The following ZC3H12B variants were observed in gnomAD, a reference collection of about 807,000 sequenced individuals.
ZC3H12B encodes the protein zinc finger CCCH-type containing 12B, also known as probable ribonuclease ZC3H12B.
Under a neutral mutation model 43.9 loss-of-function variants are expected in ZC3H12B, and 7 were observed. That is an observed-to-expected ratio of 0.16 (90% CI 0.09 to 0.30). The LOEUF (loss-of-function observed/expected upper bound fraction) is 0.30. ZC3H12B is among the 10% of genes least tolerant of loss of function. The pLI is 1.00. For synonymous variants in ZC3H12B, 222 were observed against 241.7 expected, an observed-to-expected ratio of 0.92 and a Z score of 0.76; for missense variants, 475 against 670.2, an observed-to-expected ratio of 0.71 and a Z score of 3.22.
Position 65,408,393 on chromosome X carries a change from T to A in ZC3H12B, n.407+9689T>A, listed in dbSNP as rs2066862221. On this transcript the variant is annotated intron_variant and non_coding_transcript_variant, in intron 3 of 5. Coordinates refer to the ZC3H12B transcript ENST00000617377. Reference sequence around the variant, plus strand: ...CTGTCTCAGGAACATCAACAACAGGTGGCCCAGGCTGTCGAACGTGCCAAA... The same window carrying A: ...CTGTCTCAGGAACATCAACAACAGGAGGCCCAGGCTGTCGAACGTGCCAAA... 3 of 1,202,487 alleles carry A rather than the reference T, an allele frequency of 2.5e-6. No individual in the cohort carries two copies. The Admixed American group carries it at 6.5e-5, about 26-fold the overall frequency.
At chrX:65,153,908 T>G in the ZC3H12B span, among the ~76,000 whole-genome samples, 1 of 110,885 alleles carries the variant, frequency 9.0e-6, no homozygotes, top group African/African-American at 3.3e-5. Context: ...CCATAAAAAA[T>G]GATGAGTTCA....
At chrX:65,117,571 T>A in the ZC3H12B span, among the ~76,000 whole-genome samples, 29 of 112,000 alleles carry the variant, frequency 2.6e-4, no homozygotes, top group Non-Finnish European at 5.6e-5. Context: ...TTTAATTAGA[T>A]CCCATGTGTC....
At chrX:65,283,728 G>A in the ZC3H12B span, among the ~76,000 whole-genome samples, 1 of 111,302 alleles carries the variant, frequency 9.0e-6, no homozygotes, top group Non-Finnish European at 1.9e-5. Context: ...AAAGAAAGGT[G>A]TCATTTTCAA....
At chrX:65,455,321 G>A (rs911627229) in intron 3 of ZC3H12B, among the ~76,000 whole-genome samples, 4 of 112,384 alleles carry the variant, frequency 3.6e-5, no homozygotes, top group South Asian at 3.6e-4. Flanking sequence ...CAAGAACTAC[G>A]TGACAAATGC....
chrX:65,134,704 G>A, the ZC3H12B span, among the ~76,000 whole-genome samples: 3 of 111,377 alleles, frequency 2.7e-5, no homozygotes, highest in Admixed American at 9.5e-5. Flanking sequence ...CCGAGTCTTC[G>A]GCACCAAATG....
At chrX:65,423,267 G>T (rs1310610443) in intron 3 of ZC3H12B, among the ~76,000 whole-genome samples, 1 of 111,806 alleles carries the variant, frequency 8.9e-6, no homozygotes, top group Non-Finnish European at 1.9e-5. Context: ...TCACTGATGG[G>T]CATTTGGGTT....
chrX:65,092,357 C>T, the ZC3H12B span, among the ~76,000 whole-genome samples: 1 of 111,372 alleles, frequency 9.0e-6, no homozygotes, highest in African/African-American at 3.3e-5. Context: ...AATGTGGAAG[C>T]AATTTTGGAA....
chrX:65,201,876 T>C, the ZC3H12B span, among the ~76,000 whole-genome samples: 1 of 105,935 alleles, frequency 9.4e-6, no homozygotes, highest in Non-Finnish European at 1.9e-5. Context: ...TCTCAGGAGA[T>C]CTGATGCTTT....
chrX:65,226,759 A>C, the ZC3H12B span, among the ~76,000 whole-genome samples: 14 of 111,382 alleles, frequency 1.3e-4, no homozygotes, highest in African/African-American at 4.3e-4. Context: ...AGACTTTAAA[A>C]CAACAAAGAT....
chrX:65,038,235 A>G, the ZC3H12B span, among the ~76,000 whole-genome samples: 2 of 111,639 alleles, frequency 1.8e-5, no homozygotes, highest in Non-Finnish European at 3.8e-5. Context: ...TTGAGGCTTT[A>G]TACACCTTCT....
the ZC3H12B span, among the ~76,000 whole-genome samples, chrX:65,067,474 A>G: frequency 1.8e-5 from 2 of 109,689 alleles, no homozygotes; most frequent in Admixed American, 1.9e-4. Context: ...GGCTGCACCC[A>G]CTGTCTAACC....
At chrX:65,400,268 T>C (rs987420341) in intron 3 of ZC3H12B, among the ~76,000 whole-genome samples, 2 of 111,711 alleles carry the variant, frequency 1.8e-5, no homozygotes, top group East Asian at 5.6e-4. Flanking sequence ...TATATGCCCA[T>C]AGAGCTGGCT....
chrX:65,471,403 A>G (rs1489436554), intron 3 of ZC3H12B, among the ~76,000 whole-genome samples: 1 of 106,395 alleles, frequency 9.4e-6, no homozygotes, highest in African/African-American at 3.4e-5. Context: ...GAATCTTTAC[A>G]TGTTAGGTGA....
the ZC3H12B span, among the ~76,000 whole-genome samples, chrX:65,106,613 G>T: frequency 9.0e-6 from 1 of 110,738 alleles, no homozygotes; most frequent in African/African-American, 3.3e-5. Context: ...ATTTCGTATT[G>T]GTTCTTGATT....
intron 2 of ZC3H12B, among the ~76,000 whole-genome samples, chrX:65,380,102 A>T (rs557099391): frequency 9.0e-6 from 1 of 111,542 alleles, no homozygotes; most frequent in Non-Finnish European, 1.9e-5. Context: ...AGGAAATACA[A>T]AGAACGCCAC....
At chrX:65,076,076 CTT>C in the ZC3H12B span, among the ~76,000 whole-genome samples, 1 of 111,202 alleles carries the variant, frequency 9.0e-6, no homozygotes, top group Non-Finnish European at 1.9e-5. Flanking sequence ...AGTTTTCTGA[CTT>C]TATCTATTCT....
At chrX:65,215,396 C>T in the ZC3H12B span, among the ~76,000 whole-genome samples, 2 of 111,564 alleles carry the variant, frequency 1.8e-5, no homozygotes, top group Non-Finnish European at 3.8e-5. Context: ...AAACTTGCAG[C>T]TTCTCCATTA....
the ZC3H12B span, among the ~76,000 whole-genome samples, chrX:65,169,053 AG>A: frequency 1.8e-5 from 2 of 110,655 alleles, no homozygotes; most frequent in African/African-American, 6.6e-5. Flanking sequence ...CTCTGATCTT[AG>A]TTATTTCTTG....
the ZC3H12B span, among the ~76,000 whole-genome samples, chrX:65,281,864 C>G: frequency 9.0e-6 from 1 of 111,704 alleles, no homozygotes; most frequent in Admixed American, 9.5e-5. Context: ...GCAAAGGAGA[C>G]AATCAGCAGA....
Sources: allele counts gnomAD v4.1 joint callset (sites outside exome capture counted in the v4.1 genomes callset), GRCh38; gene constraint gnomAD v4.1.1; transcripts MANE v1.5; gene names NCBI Gene and HGNC (gene_info 2026-07-23, HGNC 2026-07-21).